Variants in KLF17 observed in about 807,000 individuals in gnomAD.
The protein encoded by KLF17 is KLF transcription factor 17.
KLF17 carries 31 observed loss-of-function variants against 34.2 expected under a neutral mutation model. The observed-to-expected ratio is 0.91, with a 90% confidence interval of 0.68 to 1.22. The LOEUF (loss-of-function observed/expected upper bound fraction) is 1.22. KLF17 is among the 50% of genes most tolerant of loss of function. The pLI, the probability that KLF17 is intolerant of heterozygous loss-of-function variation, is 0.00. For missense variants in KLF17, 478 were observed against 505.2 expected (o/e 0.95, Z 0.52); for synonymous variants, 179 against 186.7 (o/e 0.96, Z 0.34).
At chr1:44,095,984 A>C in the KLF17 span, among the ~76,000 whole-genome samples, 49,370 of 151,628 alleles carry the variant, frequency 0.33, 8,183 homozygotes, top group South Asian at 0.38. Flanking sequence ...CTCTGTTGCC[A>C]AGGCTGGAGT....
At chr1:44,066,889 A>C in the KLF17 span, among the ~76,000 whole-genome samples, 1 of 152,218 alleles carries the variant, frequency 6.6e-6, no homozygotes, top group African/African-American at 2.4e-5. Context: ...TAGTAACATA[A>C]TTTTGAGCAA....
the KLF17 span, among the ~76,000 whole-genome samples, chr1:44,095,683 T>C: frequency 6.6e-6 from 1 of 152,224 alleles, no homozygotes; most frequent in Non-Finnish European, 1.5e-5. Context: ...GGTATCCTTT[T>C]CAATTTATTT....
chr1:44,052,819 T>G, the KLF17 span, among the ~76,000 whole-genome samples: 1 of 151,968 alleles, frequency 6.6e-6, no homozygotes, highest in East Asian at 1.9e-4. Context: ...TTAGACAAAT[T>G]GAAAAAGAAA....
intron 1 of KLF17, among the ~76,000 whole-genome samples, chr1:44,119,976 G>A (rs2087927966): frequency 6.6e-6 from 1 of 152,218 alleles, no homozygotes; most frequent in Admixed American, 6.5e-5. Flanking sequence ...AGAAGTGAGA[G>A]TGGAGATGGA....
chr1:44,097,069 A>G, the KLF17 span, among the ~76,000 whole-genome samples: 1 of 152,186 alleles, frequency 6.6e-6, no homozygotes. Context: ...TCTTAACACC[A>G]TTGATTAAAT....
the KLF17 span, among the ~76,000 whole-genome samples, chr1:44,091,124 A>G: frequency 5.1e-3 from 779 of 152,328 alleles, 5 homozygotes; most frequent in African/African-American, 0.018. Context: ...GAATTTAAAA[A>G]GTATTTTAGG....
At chr1:44,068,884 A>G in the KLF17 span, among the ~76,000 whole-genome samples, 1 of 152,172 alleles carries the variant, frequency 6.6e-6, no homozygotes, top group Non-Finnish European at 1.5e-5. Context: ...TTGTAACACA[A>G]TTGTGACCCT....
the KLF17 span, among the ~76,000 whole-genome samples, chr1:44,049,195 GC>G: frequency 6.6e-6 from 1 of 152,004 alleles, no homozygotes; most frequent in East Asian, 1.9e-4. Flanking sequence ...TCTTATAAGG[GC>G]ACTAATCCCA....
chr1:44,071,305 A>G, the KLF17 span, among the ~76,000 whole-genome samples: 1 of 152,120 alleles, frequency 6.6e-6, no homozygotes, highest in Non-Finnish European at 1.5e-5. Context: ...ATCCCTCTCC[A>G]CAGCTCACCC....
At chr1:44,085,807 CA>C in the KLF17 span, among the ~76,000 whole-genome samples, 6,206 of 63,138 alleles carry the variant, frequency 0.098, 45 homozygotes, top group South Asian at 0.22. Flanking sequence ...TCTGTCTCAA[CA>C]AAAAAAAAAA....
the KLF17 span, chr1:44,103,489 C>G: frequency 3.0e-6 from 3 of 1,001,622 alleles, no homozygotes; most frequent in Non-Finnish European, 4.7e-6. Context: ...GTGAGGCCCC[C>G]ATAGGCCGAG....
At chr1:44,130,483 A>G in intron 2 of KLF17, 29 bp from the exon 3 acceptor site, 12 of 1,613,648 alleles carry the variant, frequency 7.4e-6, no homozygotes, top group Non-Finnish European at 1.0e-5. Flanking sequence ...ACTGTATTCT[A>G]AATTCCATCT....
chr1:44,132,313 AT>A (rs1306701468), intron 3 of KLF17, among the ~76,000 whole-genome samples: 10 of 150,810 alleles, frequency 6.6e-5, no homozygotes, highest in Non-Finnish European at 1.2e-4. Context: ...CAAAAAAAAA[AT>A]TTTTTTTTTG....
intron 1 of KLF17, among the ~76,000 whole-genome samples, chr1:44,128,696 T>A (rs1223987119): frequency 6.6e-6 from 1 of 152,168 alleles, no homozygotes; most frequent in Non-Finnish European, 1.5e-5. Context: ...TGGGATGTTC[T>A]TTCACTTTCA....
chr1:44,055,510 C>T, the KLF17 span, among the ~76,000 whole-genome samples: 1 of 152,090 alleles, frequency 6.6e-6, no homozygotes, highest in Non-Finnish European at 1.5e-5. Flanking sequence ...AGTTACAGGC[C>T]ACAGTTCAAT....
rs199995724 is a variant in KLF17 at position 44,130,719 on chromosome 1, A to G, written c.1133A>G (p.Asn378Ser). Residue 378 changes from asparagine (N) to serine (S), a missense_variant, in exon 3 of 4, where the codon AAT becomes AGT. Coordinates refer to ENST00000372299, the MANE Select transcript of KLF17 (RefSeq NM_173484.4). ...TCAGACCCACAGGCCAACAACAACAATGGAGAGCAGGACAGTCCTCCTGCT... is the reference window on the plus strand; with the variant it reads ...TCAGACCCACAGGCCAACAACAACAGTGGAGAGCAGGACAGTCCTCCTGCT... ...GPSDPQANNN[N>S]GEQDSPPAAG... is the part of the protein sequence containing the mutation. 54 of 1,587,018 alleles carry G rather than the reference A, an allele frequency of 3.4e-5. No homozygotes were observed. Among genetic ancestry groups the G allele is most frequent in the Non-Finnish European group, 4.1e-5 (48 of 1,160,860 alleles).
At chr1:44,060,596 TC>T in the KLF17 span, among the ~76,000 whole-genome samples, 1 of 152,104 alleles carries the variant, frequency 6.6e-6, no homozygotes, top group South Asian at 2.1e-4. Flanking sequence ...ATTAATTCAA[TC>T]GGAAGGAATT....
the KLF17 span, among the ~76,000 whole-genome samples, chr1:44,078,291 C>T: frequency 2.0e-5 from 3 of 152,270 alleles, no homozygotes; most frequent in African/African-American, 4.8e-5. Context: ...ATCTTCTTTG[C>T]CCTGCTTTGT....
the KLF17 span, among the ~76,000 whole-genome samples, chr1:44,099,923 A>G: frequency 6.8e-4 from 46 of 67,554 alleles, 3 homozygotes; most frequent in Middle Eastern, 0.057. Flanking sequence ...GAAAGAAAAG[A>G]AAGGGAGGGA....
Sources: gnomAD v4.1 joint callset for allele counts (sites outside exome capture counted in the v4.1 genomes callset) on GRCh38, gnomAD v4.1.1 for gene constraint, MANE v1.5 for transcripts, NCBI Gene and HGNC (gene_info 2026-07-23, HGNC 2026-07-21) for gene names.